TENM3: variants seen among roughly 807,000 people sequenced by gnomAD.
The protein encoded by TENM3 is teneurin transmembrane protein 3.
Under a neutral mutation model 255.1 loss-of-function variants are expected in TENM3, and 63 were observed. The ratio of observed to expected loss-of-function variants is 0.25; its 90% CI spans 0.20 to 0.30. TENM3 has a LOEUF of 0.30. Ranked by LOEUF, TENM3 falls within the 10% of genes least tolerant of loss-of-function variation. The probability of loss-of-function intolerance (pLI) is 1.00; values close to 1 mark genes in which losing one functional copy is unlikely to be tolerated. For synonymous variants in TENM3, 1,306 were observed against 1,322.3 expected, an observed-to-expected ratio of 0.99 and a Z score of 0.27; for missense variants, 2,929 against 3,461.1, an observed-to-expected ratio of 0.85 and a Z score of 3.86.
At chr4:181,856,731 A>G in the TENM3 span, among the ~76,000 whole-genome samples, 1 of 152,134 alleles carries the variant, frequency 6.6e-6, no homozygotes, top group Non-Finnish European at 1.5e-5. Context: ...TCCTGGACTG[A>G]CAGGCATACT....
the TENM3 span, among the ~76,000 whole-genome samples, chr4:181,882,352 G>A: frequency 6.6e-6 from 1 of 152,204 alleles, no homozygotes; most frequent in Admixed American, 6.5e-5. Context: ...TCTGCAGGAA[G>A]GAAGTGTTAA....
At chr4:182,283,505 C>A (rs1033291391) in intron 1 of TENM3, among the ~76,000 whole-genome samples, 1 of 152,104 alleles carries the variant, frequency 6.6e-6, no homozygotes, top group African/African-American at 2.4e-5. Context: ...TCAGGCCATC[C>A]GACTCCACGG....
At chr4:182,787,254 C>T (rs560364019) in intron 24 of TENM3, among the ~76,000 whole-genome samples, 8 of 152,304 alleles carry the variant, frequency 5.3e-5, no homozygotes, top group Admixed American at 4.6e-4. Context: ...TCTAGGCCAA[C>T]CTCTTTATTT....
intron 3 of TENM3, among the ~76,000 whole-genome samples, chr4:182,442,869 C>T (rs1772616545): frequency 6.6e-6 from 1 of 150,890 alleles, no homozygotes; most frequent in South Asian, 2.1e-4. Flanking sequence ...CACACACACA[C>T]ACACACACAC....
At chr4:182,717,678 C>G (rs576465824) in intron 13 of TENM3, among the ~76,000 whole-genome samples, 2 of 152,256 alleles carry the variant, frequency 1.3e-5, no homozygotes, top group African/African-American at 4.8e-5. Context: ...GGATAATATC[C>G]CCAATGGGGC....
chr4:182,424,512 T>G (rs1431391530), intron 3 of TENM3, among the ~76,000 whole-genome samples: 2 of 152,022 alleles, frequency 1.3e-5, no homozygotes, highest in African/African-American at 2.4e-5. Context: ...GTTGGGCCTA[T>G]TTTTTTAAAA....
intron 1 of TENM3, among the ~76,000 whole-genome samples, chr4:182,323,565 G>A (rs1763190878): frequency 6.6e-6 from 1 of 152,124 alleles, no homozygotes; most frequent in Non-Finnish European, 1.5e-5. Context: ...TATTTTGAAT[G>A]GAGAAATGCT....
the TENM3 span, among the ~76,000 whole-genome samples, chr4:181,782,253 A>C: frequency 3.3e-5 from 5 of 151,788 alleles, 1 homozygote; most frequent in Non-Finnish European, 7.4e-5. Context: ...CTGGCCCTGG[A>C]CTTTTTTTGG....
At chr4:181,466,831 C>T in the TENM3 span, among the ~76,000 whole-genome samples, 1 of 151,840 alleles carries the variant, frequency 6.6e-6, no homozygotes, top group African/African-American at 2.4e-5. Context: ...CTCATATTTA[C>T]ATCTGAATTC....
At chr4:182,559,086 T>G (rs1234246209) in intron 3 of TENM3, among the ~76,000 whole-genome samples, 1 of 151,924 alleles carries the variant, frequency 6.6e-6, no homozygotes, top group Non-Finnish European at 1.5e-5. Flanking sequence ...TCTTTGCATT[T>G]TCTGTTTTCT....
intron 1 of TENM3, among the ~76,000 whole-genome samples, chr4:182,290,254 G>T (rs182335292): frequency 3.3e-4 from 51 of 152,288 alleles, no homozygotes; most frequent in African/African-American, 1.2e-3. Flanking sequence ...TGAACCGTGA[G>T]CTGGCACTTT....
chr4:181,931,412 A>G, the TENM3 span, among the ~76,000 whole-genome samples: 2 of 152,214 alleles, frequency 1.3e-5, no homozygotes, highest in Admixed American at 6.5e-5. Flanking sequence ...ACTCCCATTC[A>G]CAATTCCTAC....
At chr4:181,796,938 C>T in the TENM3 span, among the ~76,000 whole-genome samples, 49 of 152,182 alleles carry the variant, frequency 3.2e-4, no homozygotes, top group East Asian at 6.0e-3. Flanking sequence ...TTTGTATTCT[C>T]GGGGAATGAT....
At chr4:182,667,457 G>A (rs1319393840) in intron 6 of TENM3, among the ~76,000 whole-genome samples, 1 of 152,104 alleles carries the variant, frequency 6.6e-6, no homozygotes, top group Non-Finnish European at 1.5e-5. Context: ...CCAAAGTGCT[G>A]GGATTACAGG....
At chr4:182,766,825 C>T (rs1483969417) in intron 22 of TENM3, among the ~76,000 whole-genome samples, 1 of 152,138 alleles carries the variant, frequency 6.6e-6, no homozygotes, top group Non-Finnish European at 1.5e-5. Context: ...TTTGCCCCAT[C>T]AGCAAGACCT....
the TENM3 span, among the ~76,000 whole-genome samples, chr4:182,092,490 A>G: frequency 6.6e-6 from 1 of 152,248 alleles, no homozygotes; most frequent in South Asian, 2.1e-4. Flanking sequence ...TTTGCAAAAA[A>G]TTTAAAAGTT....
At chr4:182,765,993 T>A (rs986212741) in intron 22 of TENM3, among the ~76,000 whole-genome samples, 2 of 152,186 alleles carry the variant, frequency 1.3e-5, no homozygotes, top group African/African-American at 4.8e-5. Flanking sequence ...GTGGTAGAAA[T>A]AGCAATTTAT....
chr4:181,705,060 A>C, the TENM3 span, among the ~76,000 whole-genome samples: 1 of 151,362 alleles, frequency 6.6e-6, no homozygotes, highest in Non-Finnish European at 1.5e-5. Context: ...ACAAAAAAAA[A>C]AAAACAAAAA....
chr4:182,008,581 C>T, the TENM3 span, among the ~76,000 whole-genome samples: 1 of 151,942 alleles, frequency 6.6e-6, no homozygotes, highest in African/African-American at 2.4e-5. Flanking sequence ...TTTTCAGCTC[C>T]ATCAAGTTGT....
Sources: gnomAD v4.1 joint callset for allele counts (sites outside exome capture counted in the v4.1 genomes callset) on GRCh38, gnomAD v4.1.1 for gene constraint, MANE v1.5 for transcripts, NCBI Gene and HGNC (gene_info 2026-07-23, HGNC 2026-07-21) for gene names.